RPS19: variants seen among roughly 807,000 people sequenced by gnomAD.
The protein encoded by RPS19 is ribosomal protein S19.
In RPS19, 1 loss-of-function variant was observed where a neutral mutation model predicts 20.3. That is an observed-to-expected ratio of 0.05 (90% CI 0.02 to 0.23). The LOEUF is 0.23. Among genes scored for constraint, RPS19 ranks in the 10% least tolerant of loss-of-function variants. The probability of loss-of-function intolerance (pLI) is 1.00; values close to 1 mark genes in which losing one functional copy is unlikely to be tolerated. For synonymous variants in RPS19, 87 were observed against 74.8 expected, an observed-to-expected ratio of 1.16 and a Z score of -0.84; for missense variants, 111 against 192.7, an observed-to-expected ratio of 0.58 and a Z score of 2.51.
In RPS19 at chr19:41,871,348, C is replaced by T. The variant is rs2074147707; in HGVS notation, c.412-3C>T. On this transcript the variant is annotated splice_polypyrimidine_tract_variant and splice_region_variant and intron_variant, in intron 5 of 5. Coordinates refer to ENST00000598742, the MANE Select transcript of RPS19 (RefSeq NM_001022.4). ...ACTTTTATTCTTCCATCTTTTCCCA[C>T]AGGTGGCAGCTGCCAACAAGAAGCA... is the stretch of plus-strand genomic sequence containing the variant. 17 of 1,613,770 alleles carry T rather than the reference C, an allele frequency of 1.1e-5. No individual in the cohort carries two copies. The highest frequency in any genetic ancestry group is 1.4e-5 in the Non-Finnish European group (17 of 1,179,778).
chr19:41,865,977 G>T (rs2074083414), intron 3 of RPS19, among the ~76,000 whole-genome samples: 1 of 146,198 alleles, frequency 6.8e-6, no homozygotes, highest in Non-Finnish European at 1.5e-5. Context: ...AAAAAGGCCG[G>T]GCGCGGTGGC....
intron 3 of RPS19, among the ~76,000 whole-genome samples, chr19:41,866,718 G>A (rs1338275940): frequency 2.0e-4 from 30 of 152,156 alleles, no homozygotes; most frequent in Admixed American, 1.8e-3. Context: ...ATAAAATGGT[G>A]TAATATCGGG....
intron 3 of RPS19, among the ~76,000 whole-genome samples, chr19:41,863,027 T>C (rs1181450544): frequency 1.3e-5 from 2 of 152,106 alleles, no homozygotes; most frequent in Non-Finnish European, 2.9e-5. Context: ...CCTGACCCTT[T>C]ATTATTTATT....
chr19:41,863,207 A>G (rs545865010), intron 3 of RPS19, among the ~76,000 whole-genome samples: 1 of 152,202 alleles, frequency 6.6e-6, no homozygotes, highest in Admixed American at 6.5e-5. Context: ...ATTTGTAGAG[A>G]TGGAGTCTCA....
At chr19:41,863,103 A>G (rs1158532414) in intron 3 of RPS19, among the ~76,000 whole-genome samples, 1 of 152,198 alleles carries the variant, frequency 6.6e-6, no homozygotes, top group African/African-American at 2.4e-5. Flanking sequence ...AGCTCACTGC[A>G]GCTTCTTGGG....
At chr19:41,869,306 C>A in intron 4 of RPS19, 92 bp downstream of exon 4, 1 of 1,159,990 alleles carries the variant, frequency 8.6e-7, no homozygotes, top group Non-Finnish European at 1.2e-6. Flanking sequence ...TCTGCCCAGC[C>A]CCTCAGGCCC....
chr19:41,865,404 T>C (rs1555840217), intron 3 of RPS19, among the ~76,000 whole-genome samples: 1 of 150,552 alleles, frequency 6.6e-6, no homozygotes, highest in Non-Finnish European at 1.5e-5. Context: ...TATGGGAGCT[T>C]GTTCTCTACC....
rs782526969 is a variant in RPS19 at position 41,861,151 on chromosome 19, C to T, written c.111C>T (p.Val37=). ...AAGTCCCCGAATGGGTGGATACCGT[C>T]AAGCTGGCCAAGCACAAAGAGCTTG... The part of the protein sequence containing the change: ...KLKVPEWVDT[V]KLAKHKELAP... Residue 37 remains valine, a synonymous_variant, in exon 3 of 6, where the codon GTC becomes GTT. Transcript: ENST00000598742. The T allele has an allele frequency of 4.3e-6, 7 of 1,614,146 alleles. No individual in the cohort carries two copies. The highest frequency in any genetic ancestry group is 5.1e-6 in the Non-Finnish European group (6 of 1,180,038).
intron 3 of RPS19, among the ~76,000 whole-genome samples, chr19:41,863,084 C>T (rs2074049709): frequency 6.6e-6 from 1 of 152,170 alleles, no homozygotes; most frequent in Admixed American, 6.5e-5. Context: ...AGTGCAGTGG[C>T]ACAATTATAG....
At chr19:41,861,997 C>T (rs76862093) in intron 3 of RPS19, among the ~76,000 whole-genome samples, 3 of 151,892 alleles carry the variant, frequency 2.0e-5, no homozygotes, top group African/African-American at 4.8e-5. Context: ...GGTGGCAGTG[C>T]CGTGTTATGT....
At chr19:41,863,906 C>T (rs919859126) in intron 3 of RPS19, 1 of 147,616 alleles carries the variant, frequency 6.8e-6, no homozygotes, top group South Asian at 2.1e-4. Context: ...ACACTGGTGC[C>T]GTCTCGGCTA....
At chr19:41,866,337 C>T (rs1380370243) in intron 3 of RPS19, among the ~76,000 whole-genome samples, 1 of 152,226 alleles carries the variant, frequency 6.6e-6, no homozygotes, top group Non-Finnish European at 1.5e-5. Context: ...GAGAGCAGGT[C>T]TCCACCCAGA....
Position 41,863,322 on chromosome 19 carries a change from C to T in RPS19, c.172+2110C>T, listed in dbSNP as rs555231857. On this transcript the variant is annotated intron_variant, in intron 3 of 5. Coordinates refer to ENST00000598742, the MANE Select transcript of RPS19 (RefSeq NM_001022.4). ...CCTCTATTCTAGAGTTTAACATGTT[C>T]CACCCAGTTTGGCAGTCAGCTTATA... Among the ~76,000 whole-genome samples, 5 of 152,274 alleles carry T rather than the reference C, an allele frequency of 3.3e-5. No homozygotes were observed. The South Asian group carries it at 1.0e-3, about 32-fold the overall frequency.
At chr19:41,865,225 C>T (rs952315297) in intron 3 of RPS19, among the ~76,000 whole-genome samples, 5 of 152,014 alleles carry the variant, frequency 3.3e-5, no homozygotes, top group Non-Finnish European at 5.9e-5. Context: ...ATTAGCCAGG[C>T]GTGGTAGCAG....
chr19:41,861,407 G>A, intron 3 of RPS19, 195 bp downstream of exon 3: 1 of 608,928 alleles, frequency 1.6e-6, no homozygotes, highest in Non-Finnish European at 3.0e-6. Flanking sequence ...TAAGAGCTTT[G>A]TGAGAGGAGG....
At position 41,871,619 on chromosome 19, in the gene RPS19, G is replaced by A. The variant is rs554243289; in HGVS notation, c.*242G>A. 30 of 510,938 alleles carry A rather than the reference G, an allele frequency of 5.9e-5. No homozygotes were observed. In the South Asian group the frequency reaches 6.3e-4, roughly 11 times the overall value. The allele number at this position is 510,938 out of a possible 1,614,324, so 31.7% of individuals were successfully genotyped here. A position where few individuals can be genotyped will look rare whatever the true frequency, so the allele number is the denominator to read the frequency against. On this transcript the variant is annotated 3_prime_UTR_variant, in exon 6 of 6. Coordinates refer to ENST00000598742, the MANE Select transcript of RPS19 (RefSeq NM_001022.4). ...CTTGATTGTTCTTCAGGGGCATGAG[G>A]AAGAGGCGCTTCCTCCCTTCCCTTG...
Position 41,871,208 on chromosome 19 carries a change from C to G in RPS19, c.412-143C>G. On this transcript the variant is annotated intron_variant, in intron 5 of 5. Coordinates refer to ENST00000598742, the MANE Select transcript of RPS19 (RefSeq NM_001022.4). ...CCACGTCTGTGAAATGGGGGAATACCCACAGTGAGAATTAGATGAGATAGA... is the reference window on the plus strand; with the variant it reads ...CCACGTCTGTGAAATGGGGGAATACGCACAGTGAGAATTAGATGAGATAGA... 4 of 782,786 alleles carry G rather than the reference C, an allele frequency of 5.1e-6. No individual in the cohort carries two copies. In the South Asian group the frequency reaches 5.5e-5, roughly 11 times the overall value. The allele number at this position is 782,786 out of a possible 1,614,324, so 48.5% of individuals were successfully genotyped here.
At chr19:41,860,561 C>T (rs1555838954) in intron 1 of RPS19, 2 of 606,162 alleles carry the variant, frequency 3.3e-6, no homozygotes, top group East Asian at 5.7e-5. Context: ...CACGCAGGGG[C>T]CGGGCTCTGT....
At chr19:41,862,565 A>G (rs1033254507) in intron 3 of RPS19, among the ~76,000 whole-genome samples, 1 of 151,264 alleles carries the variant, frequency 6.6e-6, no homozygotes, top group Non-Finnish European at 1.5e-5. Flanking sequence ...AGCCTTTCTC[A>G]TTTGCTGGGG....
Sources: allele counts gnomAD v4.1 joint callset (sites outside exome capture counted in the v4.1 genomes callset), GRCh38; gene constraint gnomAD v4.1.1; transcripts MANE v1.5; gene names NCBI Gene and HGNC (gene_info 2026-07-23, HGNC 2026-07-21).